The following EPHB1 variants were observed in gnomAD, a reference collection of about 807,000 sequenced individuals.
EPHB1 encodes EPH receptor B1, also known as ephrin type-B receptor 1.
A neutral mutation model predicts 94.4 loss-of-function variants in EPHB1; 30 were observed. That is an observed-to-expected ratio of 0.32 (90% CI 0.24 to 0.43). The LOEUF is 0.43. Among genes scored for constraint, EPHB1 ranks in the 20% least tolerant of loss-of-function variants. The pLI, the probability that EPHB1 is intolerant of heterozygous loss-of-function variation, is 1.00. For missense variants in EPHB1, 1,055 were observed against 1,308.3 expected (o/e 0.81, Z 2.99); for synonymous variants, 522 against 489.1 (o/e 1.07, Z -0.89).
intron 3 of EPHB1, among the ~76,000 whole-genome samples, chr3:135,015,973 G>A (rs1004373664): frequency 6.6e-6 from 1 of 152,190 alleles, no homozygotes; most frequent in Non-Finnish European, 1.5e-5. Flanking sequence ...AAGTAGCAGA[G>A]GAGAAGAGTG....
intron 3 of EPHB1, among the ~76,000 whole-genome samples, chr3:134,957,084 C>T (rs560890407): frequency 1.3e-4 from 20 of 152,236 alleles, no homozygotes; most frequent in East Asian, 1.9e-4. Flanking sequence ...AAATGAAGGA[C>T]CAAGTGGAGA....
intron 3 of EPHB1, among the ~76,000 whole-genome samples, chr3:134,992,986 AGCCCTGG>A (rs988450231): frequency 2.3e-3 from 329 of 142,340 alleles, no homozygotes; most frequent in African/African-American, 9.3e-3. Flanking sequence ...CAGCTCCACC[AGCCCTGG>A]CCCATCCTCA....
intron 6 of EPHB1, 23 bp downstream of exon 6, chr3:135,154,299 C>A (rs1941287590): frequency 1.5e-5 from 24 of 1,613,330 alleles, no homozygotes; most frequent in Non-Finnish European, 2.0e-5. Context: ...TACCTGCAAG[C>A]TTGCAAGACC....
intron 3 of EPHB1, among the ~76,000 whole-genome samples, chr3:135,058,193 G>A (rs144602586): frequency 5.3e-4 from 80 of 152,356 alleles, no homozygotes; most frequent in African/African-American, 1.8e-3. Context: ...TTGGGATGGT[G>A]CATTCTGTCT....
intron 1 of EPHB1, among the ~76,000 whole-genome samples, chr3:134,877,640 C>T (rs2108310050): frequency 6.6e-6 from 1 of 152,320 alleles, no homozygotes; most frequent in Middle Eastern, 3.4e-3. Flanking sequence ...ATTTACTTCT[C>T]TTATAAATGG....
intron 3 of EPHB1, among the ~76,000 whole-genome samples, chr3:135,098,123 A>G (rs1485377464): frequency 2.0e-5 from 3 of 152,012 alleles, no homozygotes; most frequent in Non-Finnish European, 4.4e-5. Flanking sequence ...TAAACACTTC[A>G]CCCTGACCTG....
In EPHB1 at chr3:134,950,596, A is replaced by T. The variant is rs1264978702; in HGVS notation, c.124-775A>T. Among the ~76,000 whole-genome samples, 5 of 152,306 alleles carry T rather than the reference A, an allele frequency of 3.3e-5. No individual in the cohort carries two copies. In the East Asian group the frequency reaches 9.6e-4, roughly 29 times the overall value. ...CAGGCCAGGGGAGCCAGCATGTCAC[A>T]TGGTGAGAGATGGAGCAAGAGAGAG... On this transcript the variant is annotated intron_variant, in intron 2 of 15. Coordinates refer to ENST00000398015, the MANE Select transcript of EPHB1 (RefSeq NM_004441.5).
chr3:135,183,031 TTTCTTTCTTTC>T (rs1322232700), intron 10 of EPHB1, among the ~76,000 whole-genome samples: 13 of 68,934 alleles, frequency 1.9e-4, no homozygotes, highest in Middle Eastern at 0.01. Flanking sequence ...TTTTCTTTTC[TTTCTTTCTTTC>T]TTTCTTTCTT....
At chr3:134,933,794 A>G (rs2038948139) in intron 2 of EPHB1, among the ~76,000 whole-genome samples, 1 of 152,170 alleles carries the variant, frequency 6.6e-6, no homozygotes, top group African/African-American at 2.4e-5. Context: ...TGGTATCTTC[A>G]GAGAGTGGGT....
chr3:134,999,288 G>A (rs947469963), intron 3 of EPHB1, among the ~76,000 whole-genome samples: 2 of 152,296 alleles, frequency 1.3e-5, no homozygotes, highest in African/African-American at 2.4e-5. Context: ...TGTTGGAATG[G>A]GGAAGATTTG....
intron 1 of EPHB1, among the ~76,000 whole-genome samples, chr3:134,808,962 G>C (rs974486012): frequency 6.6e-6 from 1 of 152,220 alleles, no homozygotes; most frequent in African/African-American, 2.4e-5. Flanking sequence ...GTAGATACCA[G>C]AGCATCTGAA....
At chr3:134,982,176 T>A (rs1934426249) in intron 3 of EPHB1, among the ~76,000 whole-genome samples, 1 of 152,204 alleles carries the variant, frequency 6.6e-6, no homozygotes, top group African/African-American at 2.4e-5. Context: ...GCAATTTTTT[T>A]CTCTAAATCG....
intron 1 of EPHB1, among the ~76,000 whole-genome samples, chr3:134,804,400 C>G (rs2035996241): frequency 6.7e-6 from 1 of 149,994 alleles, no homozygotes; most frequent in South Asian, 2.1e-4. Context: ...TGGTCCCTCC[C>G]ACAACACATG....
rs145179429 is a variant in EPHB1, at chr3:135,084,357, A to G, written c.806-22091A>G. On this transcript the variant is annotated intron_variant, in intron 3 of 15. Coordinates refer to ENST00000398015, the MANE Select transcript of EPHB1 (RefSeq NM_004441.5). ...GGTGCCTCAGCTCACCCACCCGTAC[A>G]GCCTAGAAAAGACAGTGCTCATGGT... is the stretch of plus-strand genomic sequence containing the variant. Among the ~76,000 whole-genome samples, 4 of 152,230 alleles carry G rather than the reference A, an allele frequency of 2.6e-5. No homozygotes were observed. In the East Asian group the frequency reaches 7.7e-4, roughly 29 times the overall value.
intron 1 of EPHB1, among the ~76,000 whole-genome samples, chr3:134,859,096 C>T (rs2037188002): frequency 6.6e-6 from 1 of 152,192 alleles, no homozygotes; most frequent in Admixed American, 6.5e-5. Context: ...TTCCTATCTA[C>T]TTCTGAGAGG....
intron 3 of EPHB1, among the ~76,000 whole-genome samples, chr3:135,057,036 C>A (rs1017701471): frequency 1.3e-5 from 2 of 152,164 alleles, no homozygotes; most frequent in Non-Finnish European, 2.9e-5. Flanking sequence ...TGAACACCCC[C>A]CTAATAAATT....
At chr3:134,860,838 G>T (rs1335794654) in intron 1 of EPHB1, among the ~76,000 whole-genome samples, 1 of 148,072 alleles carries the variant, frequency 6.8e-6, no homozygotes, top group Non-Finnish European at 1.5e-5. Flanking sequence ...ACGCTGTCCT[G>T]TGACTGACAT....
chr3:134,999,521 A>C (rs535946578), intron 3 of EPHB1, among the ~76,000 whole-genome samples: 1 of 152,326 alleles, frequency 6.6e-6, no homozygotes, highest in African/African-American at 2.4e-5. Context: ...TTGGATGCAG[A>C]AATACTGTGG....
chr3:135,098,027 A>C (rs140329045), intron 3 of EPHB1, among the ~76,000 whole-genome samples: 156 of 152,200 alleles, frequency 1.0e-3, no homozygotes, highest in African/African-American at 3.6e-3. Flanking sequence ...TCCTCTAGGC[A>C]GCCTTCCAAC....
Sources: gnomAD v4.1 joint callset for allele counts (sites outside exome capture counted in the v4.1 genomes callset) on GRCh38, gnomAD v4.1.1 for gene constraint, MANE v1.5 for transcripts, NCBI Gene and HGNC (gene_info 2026-07-23, HGNC 2026-07-21) for gene names.